The following ZHX1 variants were observed in gnomAD, a reference collection of about 807,000 sequenced individuals.
ZHX1 encodes zinc fingers and homeoboxes 1.
Under a neutral mutation model 61.8 loss-of-function variants are expected in ZHX1, and 20 were observed. The observed-to-expected ratio is 0.32, with a 90% CI of 0.23 to 0.47. The LOEUF is 0.47. Ranked by LOEUF, ZHX1 falls within the 20% of genes least tolerant of loss-of-function variation. ZHX1 has a pLI of 1.00. For synonymous variants in ZHX1, 318 were observed against 352.6 expected, an observed-to-expected ratio of 0.90 and a Z score of 1.10; for missense variants, 800 against 1,034.8, an observed-to-expected ratio of 0.77 and a Z score of 3.11.
Position 123,253,376 on chromosome 8 carries a change from A to G in ZHX1, c.2571T>C (p.Thr857=). ...EDEEETDDSD[T]WEPPRHVKRK... is the part of the protein sequence containing the mutation. ...GTTTCACATGTCGTGGAGGTTCCCA[A>G]GTGTCACTATCATCTGTTTCTTCTT... is the stretch of plus-strand genomic sequence containing the variant. The change falls in exon 3 of 4, where the codon ACT becomes ACC. Residue 857 remains threonine, a synonymous_variant. Transcript: ENST00000395571. The G allele has an allele frequency of 6.2e-7, 1 of 1,613,478 alleles. No homozygotes were observed. Among genetic ancestry groups the G allele is most frequent in the Non-Finnish European group, 8.5e-7 (1 of 1,179,930 alleles).
rs761159679 is a variant in ZHX1 at position 123,253,624 on chromosome 8, G to C, written c.2323C>G (p.Leu775Val). 2 of 1,614,222 alleles carry C rather than the reference G, an allele frequency of 1.2e-6. No homozygotes were observed. Among genetic ancestry groups the C allele is most frequent in the Non-Finnish European group, 8.5e-7 (1 of 1,180,034 alleles). ...GCAGTTCCAGTTTTAAATTTTATGA[G>C]TGATGGTCCCCTGTCCCAGTTGTTA... The part of the protein sequence containing the change: ...RINNWDRGPS[L>V]IKFKTGTAIL... Residue 775 changes from leucine (L) to valine (V), a missense_variant, in exon 3 of 4, where the codon CTC becomes GTC. Physicochemically the swap from Leu to Val is conservative, Grantham distance 32. Transcript: ENST00000395571.
chr8:123,265,979 G>A (rs1004198537), intron 2 of ZHX1, among the ~76,000 whole-genome samples: 2 of 152,156 alleles, frequency 1.3e-5, no homozygotes, highest in South Asian at 2.1e-4. Flanking sequence ...AATCCAAATC[G>A]GACAGATTTT....
At chr8:123,258,210 G>C (rs1826134929) in intron 2 of ZHX1, among the ~76,000 whole-genome samples, 2 of 152,120 alleles carry the variant, frequency 1.3e-5, no homozygotes, top group Non-Finnish European at 2.9e-5. Context: ...GCAGGAGCTG[G>C]TTGTTAGGAA....
chr8:123,255,490 AAGTC>A lies in ZHX1; in HGVS notation c.453_456del (p.Thr152LeufsTer32). 6.2e-7 allele frequency: 1 copy of A among 1,613,578 alleles called. No individual in the cohort carries two copies. The highest frequency in any genetic ancestry group is 8.5e-7 in the Non-Finnish European group (1 of 1,180,002). ...TCCTCTTTAACAAAACTACCATCAA[AAGTC>A]AGATCATTTATTGTTTGTTCAAAGA... On this transcript the variant is annotated frameshift_variant, in exon 3 of 4. Transcript: ENST00000395571. LOFTEE classifies it high-confidence loss of function.
intron 2 of ZHX1, among the ~76,000 whole-genome samples, chr8:123,265,900 C>G (rs932043044): frequency 6.6e-6 from 1 of 152,090 alleles, no homozygotes; most frequent in Non-Finnish European, 1.5e-5. Context: ...GGTAAGAAAC[C>G]CTATCCTCTC....
Position 123,262,151 on chromosome 8 carries a change from TA to T in ZHX1, c.-226+5121del, listed in dbSNP as rs543581262. 8.5e-4 allele frequency among the ~76,000 whole-genome samples: 129 copies of T among 151,952 alleles called. 2 individuals are homozygous for T. In the South Asian group the frequency reaches 0.024, roughly 28 times the overall value. On this transcript the variant is annotated intron_variant, in intron 2 of 3. Transcript: ENST00000395571. ...ACACAATTAAAATTAAGTTGGCCAA[TA>T]AAAAAAAGTATGCTGTCAATGCATC...
chr8:123,261,104 A>G (rs1045693327), intron 2 of ZHX1, among the ~76,000 whole-genome samples: 3 of 152,208 alleles, frequency 2.0e-5, no homozygotes, highest in African/African-American at 7.2e-5. Flanking sequence ...TGTATTATTT[A>G]ACATATTTCT....
chr8:123,268,313 T>C (rs1586833420), intron 1 of ZHX1, among the ~76,000 whole-genome samples: 1 of 152,216 alleles, frequency 6.6e-6, no homozygotes, highest in African/African-American at 2.4e-5. Flanking sequence ...CTGTGAAGTA[T>C]TAACATCATG....
At chr8:123,264,745 G>A (rs1269169657) in intron 2 of ZHX1, among the ~76,000 whole-genome samples, 1 of 151,044 alleles carries the variant, frequency 6.6e-6, no homozygotes, top group African/African-American at 2.4e-5. Flanking sequence ...TTTTTTAGTA[G>A]AGACGGGGTT....
Position 123,248,972 on chromosome 8 carries a change from AT to A in ZHX1, c.*1351del, listed in dbSNP as rs1231296361. The stretch of plus-strand genomic sequence containing the variant: ...TTACTAATAAAGCTATAGTTAAAAA[AT>A]AAAAAGTTTATAAAAATGAAAGCAG... On this transcript the variant is annotated 3_prime_UTR_variant, in exon 4 of 4. Transcript: ENST00000395571. The A allele has an allele frequency of 2.0e-5, 3 of 152,620 alleles. No individual in the cohort carries two copies. The highest frequency in any genetic ancestry group is 2.9e-5 in the Non-Finnish European group (2 of 68,010). The allele number at this position is 152,620 out of a possible 1,614,324, so 9.5% of individuals were successfully genotyped here.
At chr8:123,261,410 G>A (rs1484360218) in intron 2 of ZHX1, among the ~76,000 whole-genome samples, 2 of 152,078 alleles carry the variant, frequency 1.3e-5, no homozygotes, top group African/African-American at 4.8e-5. Flanking sequence ...GCCTGGAAGA[G>A]CTATTCAATT....
In ZHX1 at chr8:123,254,678, T is replaced by G; in HGVS notation, c.1269A>C (p.Gln423His). The G allele has an allele frequency of 6.2e-7, 1 of 1,614,138 alleles. No individual in the cohort carries two copies. Among genetic ancestry groups the G allele is most frequent in the Non-Finnish European group, 8.5e-7 (1 of 1,180,000 alleles). Residue 423 changes from glutamine (Q) to histidine (H), a missense_variant, in exon 3 of 4, where the codon CAA (glutamine) becomes CAC (histidine). Coordinates refer to ENST00000395571, the MANE Select transcript of ZHX1 (RefSeq NM_007222.5). This position sits in a 1 kb window ranked among gnomAD's most constrained non-coding sequence, Gnocchi z 4.1. The part of the protein sequence containing the change: ...IALTVAGVPS[Q>H]NNIQKSQVPA... ...GTACCTGACTTTTCTGTATATTATT[T>G]TGACTTGGAACGCCTGCCACTGTCA...
At chr8:123,260,329 C>G (rs529627233) in intron 2 of ZHX1, among the ~76,000 whole-genome samples, 2 of 151,958 alleles carry the variant, frequency 1.3e-5, no homozygotes, top group East Asian at 3.9e-4. Context: ...AACATATCGG[C>G]TGGGTGCGCC....
At chr8:123,274,646 C>T (rs918505685), upstream of ZHX1, among the ~76,000 whole-genome samples, 30 of 151,500 alleles carry the variant, frequency 2.0e-4, no homozygotes, top group African/African-American at 7.0e-4. Context: ...CCCCAGACTG[C>T]GGAAGCTCCG....
In ZHX1 at chr8:123,254,672, A is replaced by G. The variant is rs1826017819; in HGVS notation, c.1275T>C (p.Asn425=). 1 of 1,614,078 alleles carries G rather than the reference A, an allele frequency of 6.2e-7. No individual in the cohort carries two copies. Among genetic ancestry groups the G allele is most frequent in the Non-Finnish European group, 8.5e-7 (1 of 1,180,012 alleles). Residue 425 remains asparagine (N), a synonymous_variant, in exon 3 of 4, where the codon AAT becomes AAC. Transcript: ENST00000395571. This position sits in a 1 kb window ranked among gnomAD's most constrained non-coding sequence, Gnocchi z 4.1. ...LTVAGVPSQN[N]IQKSQVPAAQ... is the part of the protein sequence containing the mutation. ...CAGCAGGTACCTGACTTTTCTGTAT[A>G]TTATTTTGACTTGGAACGCCTGCCA...
chr8:123,265,213 T>G (rs1198877049), intron 2 of ZHX1, among the ~76,000 whole-genome samples: 1 of 151,574 alleles, frequency 6.6e-6, no homozygotes, highest in Admixed American at 6.6e-5. Context: ...AAAGAGCATT[T>G]AGAAGATACT....
chr8:123,253,638 T>G lies in ZHX1; in HGVS notation c.2309A>C (p.Asp770Ala). ...AAATTTTATGAGTGATGGTCCCCTG[T>G]CCCAGTTGTTAATTCTTTTGCTTCC... is the stretch of plus-strand genomic sequence containing the variant. ...PRGSKRINNW[D>A]RGPSLIKFKT... is the part of the protein sequence containing the mutation. The change falls in exon 3 of 4, where the codon GAC becomes GCC. Residue 770 changes from aspartate to alanine, a missense_variant. Transcript: ENST00000395571. 6.2e-7 allele frequency: 1 copy of G among 1,614,216 alleles called. No individual in the cohort carries two copies. The highest frequency in any genetic ancestry group is 8.5e-7 in the Non-Finnish European group (1 of 1,180,028).
At chr8:123,273,860 A>C (rs1238681701) in intron 1 of ZHX1, 1 of 152,428 alleles carries the variant, frequency 6.6e-6, no homozygotes, top group African/African-American at 2.4e-5. Flanking sequence ...GTCCTCACCA[A>C]GGCAGGGGGC....
Position 123,254,388 on chromosome 8 carries a change from C to G in ZHX1, c.1559G>C (p.Arg520Thr). Residue 520 changes from arginine (R) to threonine (T), a missense_variant, in exon 3 of 4, where the codon AGA becomes ACA. Arg to Thr is a moderately conservative substitution (Grantham distance 71). Coordinates refer to ENST00000395571, the MANE Select transcript of ZHX1 (RefSeq NM_007222.5). This position sits in a 1 kb window ranked among gnomAD's most constrained non-coding sequence, Gnocchi z 4.1. ...KWFSDTRYNQRNSKSNQCLHL... is the reference protein window; with the variant it reads ...KWFSDTRYNQTNSKSNQCLHL... ...TAAGCACTGATTACTCTTTGAATTT[C>G]TCTGGTTGTACCTTGTGTCACTAAA... 6.2e-7 allele frequency: 1 copy of G among 1,614,122 alleles called. No individual in the cohort carries two copies. The highest frequency in any genetic ancestry group is 8.5e-7 in the Non-Finnish European group (1 of 1,180,004).
Sources: allele counts gnomAD v4.1 joint callset (sites outside exome capture counted in the v4.1 genomes callset), GRCh38; gene constraint gnomAD v4.1.1; non-coding constraint Gnocchi (gnomAD v3.1); transcripts MANE v1.5; gene names NCBI Gene and HGNC (gene_info 2026-07-23, HGNC 2026-07-21).